The following KIRREL3 variants were observed in gnomAD, a reference collection of about 807,000 sequenced individuals.
KIRREL3 encodes kin of IRRE-like protein 3.
KIRREL3 carries 36 observed loss-of-function variants against 89.7 expected under a neutral mutation model. The observed-to-expected ratio is 0.40, with a 90% CI of 0.31 to 0.53. The LOEUF is 0.53. KIRREL3 is among the 20% of genes least tolerant of loss of function. The pLI is 0.49. For synonymous variants in KIRREL3, 445 were observed against 441.4 expected (o/e 1.01, Z -0.10); for missense variants, 864 against 1,056.6 (o/e 0.82, Z 2.53).
At chr11:126,446,708 C>G in intron 9 of KIRREL3, 51 bp downstream of exon 9, 1 of 1,550,488 alleles carries the variant, frequency 6.4e-7, no homozygotes, top group East Asian at 2.4e-5. Flanking sequence ...TCTTGCTCCA[C>G]TGTCCCCGCC....
chr11:126,503,322 C>A (rs753204547), intron 4 of KIRREL3, among the ~76,000 whole-genome samples: 1 of 152,028 alleles, frequency 6.6e-6, no homozygotes, highest in Non-Finnish European at 1.5e-5. Flanking sequence ...TGTGGGCACT[C>A]GGGTAGGTAC....
At chr11:126,850,927 C>T (rs190883202) in intron 1 of KIRREL3, among the ~76,000 whole-genome samples, 3 of 152,290 alleles carry the variant, frequency 2.0e-5, no homozygotes, top group East Asian at 3.9e-4. Flanking sequence ...ACCGGACAGG[C>T]CCAAGTCACA....
intron 1 of KIRREL3, among the ~76,000 whole-genome samples, chr11:126,820,778 G>A (rs990867928): frequency 2.0e-5 from 3 of 152,114 alleles, no homozygotes; most frequent in African/African-American, 7.2e-5. Context: ...AACAGCCCTG[G>A]GTTTGAATCC....
In KIRREL3 at chr11:126,896,218, G is replaced by A. The variant is rs58232870; in HGVS notation, c.55+104237C>T. 0.031 allele frequency among the ~76,000 whole-genome samples: 4,685 copies of A among 152,330 alleles called. 244 individuals are homozygous for A. The highest frequency in any genetic ancestry group is 0.11 in the African/African-American group (4,459 of 41,558). Reference sequence around the variant, plus strand: ...GAAGTCATTCTCCAGGACTCTGTGAGTTCTCTAATCCACTGCTAGGCAGTA... The same window carrying A: ...GAAGTCATTCTCCAGGACTCTGTGAATTCTCTAATCCACTGCTAGGCAGTA... On this transcript the variant is annotated intron_variant, in intron 1 of 16. Transcript: ENST00000525144. This position sits in a 1 kb window ranked among gnomAD's most constrained non-coding sequence, Gnocchi z 4.1.
At chr11:126,789,747 T>C (rs1446780571) in intron 1 of KIRREL3, among the ~76,000 whole-genome samples, 4 of 152,198 alleles carry the variant, frequency 2.6e-5, no homozygotes, top group Non-Finnish European at 5.9e-5. Context: ...TACCATGCAC[T>C]CTGTGGTTTT....
intron 1 of KIRREL3, among the ~76,000 whole-genome samples, chr11:126,958,198 T>C (rs1235841061): frequency 1.3e-5 from 2 of 152,198 alleles, no homozygotes; most frequent in Non-Finnish European, 2.9e-5. Context: ...TAAAAGGATG[T>C]CTGGGAGTGT....
At chr11:126,863,490 C>CGT (rs1471339365) in intron 1 of KIRREL3, among the ~76,000 whole-genome samples, 1 of 29,256 alleles carries the variant, frequency 3.4e-5, no homozygotes. Flanking sequence ...TGTGTGAGTG[C>CGT]GTGTGTGAGT....
At chr11:126,438,341 G>T (rs1353191198) in intron 11 of KIRREL3, among the ~76,000 whole-genome samples, 1 of 152,260 alleles carries the variant, frequency 6.6e-6, no homozygotes, top group Non-Finnish European at 1.5e-5. Flanking sequence ...ACCTCATCGT[G>T]TAAGCGCCTC....
At position 126,441,696 on chromosome 11, in the gene KIRREL3, A is replaced by G. The variant is rs1417584215; in HGVS notation, c.1253-1147T>C. On this transcript the variant is annotated intron_variant, in intron 10 of 16. Coordinates refer to ENST00000525144, the MANE Select transcript of KIRREL3 (RefSeq NM_032531.4). The surrounding 1 kb of genome is among the most constrained non-coding windows in gnomAD (Gnocchi z 5.0). ...TTGCTGTTTATTAGCCACCTTAATT[A>G]AAGCAGATTTGCATTTCTATGAGTA... Among the ~76,000 whole-genome samples the G allele has an allele frequency of 6.6e-6, 1 of 152,246 alleles. No individual in the cohort carries two copies. Among genetic ancestry groups the G allele is most frequent in the Non-Finnish European group, 1.5e-5 (1 of 68,050 alleles).
At chr11:126,552,194 T>C (rs984848825) in intron 2 of KIRREL3, among the ~76,000 whole-genome samples, 13 of 152,232 alleles carry the variant, frequency 8.5e-5, no homozygotes, top group African/African-American at 3.1e-4. Flanking sequence ...CCTGCACTTT[T>C]CCACCTTTGG....
intron 1 of KIRREL3, among the ~76,000 whole-genome samples, chr11:126,654,300 AC>A (rs1417211109): frequency 6.6e-6 from 1 of 151,416 alleles, no homozygotes; most frequent in Admixed American, 6.6e-5. Flanking sequence ...TGTAAAGTCA[AC>A]CCCGAGAAGA....
At position 126,788,375 on chromosome 11, in the gene KIRREL3, C is replaced by T. The variant is rs1238869639; in HGVS notation, c.55+212080G>A. ...ATGCAAGTTGCATTTGACATTTCTGCAGGGTCTGTGGCCCTTGGTTTTGAG... is the reference window on the plus strand; with the variant it reads ...ATGCAAGTTGCATTTGACATTTCTGTAGGGTCTGTGGCCCTTGGTTTTGAG... On this transcript the variant is annotated intron_variant, in intron 1 of 16. Coordinates refer to ENST00000525144, the MANE Select transcript of KIRREL3 (RefSeq NM_032531.4). The surrounding 1 kb of genome is among the most constrained non-coding windows in gnomAD (Gnocchi z 4.1). Among the ~76,000 whole-genome samples, 1 of 152,208 alleles carries T rather than the reference C, an allele frequency of 6.6e-6. No homozygotes were observed. Among genetic ancestry groups the T allele is most frequent in the Non-Finnish European group, 1.5e-5 (1 of 68,028 alleles).
Position 126,463,083 on chromosome 11 carries a change from G to A in KIRREL3, c.742+74C>T. The A allele has an allele frequency of 6.9e-7, 1 of 1,459,846 alleles. No homozygotes were observed. The highest frequency in any genetic ancestry group is 9.5e-7 in the Non-Finnish European group (1 of 1,057,668). 90.4% of individuals were successfully genotyped at this position (1,459,846 alleles called of 1,614,324 possible). A position where few individuals can be genotyped will look rare whatever the true frequency, so the allele number is the denominator to read the frequency against. On this transcript the variant is annotated intron_variant, in intron 6 of 16. Coordinates refer to ENST00000525144, the MANE Select transcript of KIRREL3 (RefSeq NM_032531.4). This position sits in a 1 kb window ranked among gnomAD's most constrained non-coding sequence, Gnocchi z 5.9. ...CATTTCCTGCTATCAGATGGGCCAG[G>A]CTATGGTCAGGGTTGCTGGGTGTTT...
In KIRREL3 at chr11:126,614,763, C is replaced by T. The variant is rs920304586; in HGVS notation, c.56-51851G>A. Among the ~76,000 whole-genome samples the T allele has an allele frequency of 5.3e-5, 8 of 152,142 alleles. No homozygotes were observed. Among genetic ancestry groups the T allele is most frequent in the African/African-American group, 1.9e-4 (8 of 41,428 alleles). ...TTCTGTGCTGGGGTTCGAGGTGTCT[C>T]CGCTGGGAGACTCTGGGGAGATCCT... is the stretch of plus-strand genomic sequence containing the variant. On this transcript the variant is annotated intron_variant, in intron 1 of 16. Coordinates refer to ENST00000525144, the MANE Select transcript of KIRREL3 (RefSeq NM_032531.4). The surrounding 1 kb of genome is among the most constrained non-coding windows in gnomAD (Gnocchi z 4.6).
intron 7 of KIRREL3, among the ~76,000 whole-genome samples, chr11:126,450,451 ATC>A (rs1490103783): frequency 2.3e-5 from 3 of 132,644 alleles, no homozygotes; most frequent in South Asian, 2.3e-4. Context: ...GTATGTGCGC[ATC>A]TGTGAGTGTG....
Position 126,574,233 on chromosome 11 carries a change from G to C in KIRREL3, c.56-11321C>G, listed in dbSNP as rs529050736. On this transcript the variant is annotated intron_variant, in intron 1 of 16. Coordinates refer to ENST00000525144, the MANE Select transcript of KIRREL3 (RefSeq NM_032531.4). The surrounding 1 kb of genome is among the most constrained non-coding windows in gnomAD (Gnocchi z 5.3). ...TGAGAGAGGTTCCACAACCTCCCTT[G>C]CTCAAAATCACCCTGCTGCTAATGG... Among the ~76,000 whole-genome samples the C allele has an allele frequency of 6.6e-6, 1 of 152,302 alleles. No homozygotes were observed. Among genetic ancestry groups the C allele is most frequent in the East Asian group, 1.9e-4 (1 of 5,176 alleles).
At position 126,985,305 on chromosome 11, in the gene KIRREL3, C is replaced by T. The variant is rs770995788; in HGVS notation, c.55+15150G>A. Among the ~76,000 whole-genome samples the T allele has an allele frequency of 6.6e-6, 1 of 152,092 alleles. No homozygotes were observed. Among genetic ancestry groups the T allele is most frequent in the African/African-American group, 2.4e-5 (1 of 41,404 alleles). Reference sequence around the variant, plus strand: ...GAAATACTGATTGTATCTGACTCTGCGCCCAAGTCCAACAAAGCCACTGCA... The same window carrying T: ...GAAATACTGATTGTATCTGACTCTGTGCCCAAGTCCAACAAAGCCACTGCA... On this transcript the variant is annotated intron_variant, in intron 1 of 16. Coordinates refer to ENST00000525144, the MANE Select transcript of KIRREL3 (RefSeq NM_032531.4). The surrounding 1 kb of genome is among the most constrained non-coding windows in gnomAD (Gnocchi z 5.3).
rs1159454637 is a variant in KIRREL3 at position 126,814,896 on chromosome 11, C to T, written c.55+185559G>A. On this transcript the variant is annotated intron_variant, in intron 1 of 16. Transcript: ENST00000525144. This position sits in a 1 kb window ranked among gnomAD's most constrained non-coding sequence, Gnocchi z 4.4. ...ATGGCACACGTATCTATGTAACAAA[C>T]CTGCACATCCTGCCCATGTACCCCA... Among the ~76,000 whole-genome samples, 1 of 152,136 alleles carries T rather than the reference C, an allele frequency of 6.6e-6. No homozygotes were observed. Among genetic ancestry groups the T allele is most frequent in the Non-Finnish European group, 1.5e-5 (1 of 68,030 alleles).
intron 1 of KIRREL3, among the ~76,000 whole-genome samples, chr11:126,801,000 A>G (rs1471397336): frequency 6.6e-6 from 1 of 152,210 alleles, no homozygotes; most frequent in Non-Finnish European, 1.5e-5. Flanking sequence ...CTGCTTTAGC[A>G]GCTGATATTT....
Sources: allele counts gnomAD v4.1 joint callset (sites outside exome capture counted in the v4.1 genomes callset), GRCh38; gene constraint gnomAD v4.1.1; non-coding constraint Gnocchi (gnomAD v3.1); transcripts MANE v1.5; gene names NCBI Gene and HGNC (gene_info 2026-07-23, HGNC 2026-07-21).